CCDC102B: variants seen among roughly 807,000 people sequenced by gnomAD.
CCDC102B encodes the protein coiled-coil domain-containing protein 102B.
CCDC102B carries 75 observed loss-of-function variants against 57.4 expected under a neutral mutation model. The ratio of observed to expected loss-of-function variants is 1.31; its 90% confidence interval spans 1.08 to 1.58. The LOEUF (loss-of-function observed/expected upper bound fraction) is 1.58, where lower values mean the gene tolerates loss of function less well. CCDC102B is among the 40% of genes most tolerant of loss of function. The pLI is 0.00. For synonymous variants in CCDC102B, 206 were observed against 201.9 expected, an observed-to-expected ratio of 1.02 and a Z score of -0.17; for missense variants, 636 against 582.6, an observed-to-expected ratio of 1.09 and a Z score of -0.94.
At chr18:68,742,730 C>T (rs527450370) in intron 2 of CCDC102B, among the ~76,000 whole-genome samples, 1 of 152,278 alleles carries the variant, frequency 6.6e-6, no homozygotes, top group East Asian at 1.9e-4. Context: ...CCATTACTAA[C>T]CACTGGGTAA....
At chr18:68,921,645 G>T (rs892326534) in intron 6 of CCDC102B, among the ~76,000 whole-genome samples, 1 of 152,158 alleles carries the variant, frequency 6.6e-6, no homozygotes, top group East Asian at 1.9e-4. Flanking sequence ...AGATAGAGAA[G>T]CGAGCACAAG....
At chr18:68,928,316 C>A (rs528431704) in intron 6 of CCDC102B, among the ~76,000 whole-genome samples, 31 of 151,764 alleles carry the variant, frequency 2.0e-4, no homozygotes, top group Non-Finnish European at 4.3e-4. Context: ...TATGGGAAGG[C>A]AAAAGGCTAT....
In CCDC102B at chr18:68,759,585, T is replaced by C. The variant is rs534371127; in HGVS notation, c.-67+42991T>C. ...AATGTCTTACAATTTTGGGAGATGA[T>C]GCTAAGTATAGAATTCTATACACAT... is the stretch of plus-strand genomic sequence containing the variant. On this transcript the variant is annotated intron_variant, in intron 2 of 3. Coordinates refer to the CCDC102B transcript ENST00000578970. Among the ~76,000 whole-genome samples, 8 of 152,218 alleles carry C rather than the reference T, an allele frequency of 5.3e-5. 1 individual carries two copies. Among genetic ancestry groups the C allele is most frequent in the African/African-American group, 1.9e-4 (8 of 41,558 alleles).
At chr18:68,861,712 G>A (rs758536082) in intron 4 of CCDC102B, among the ~76,000 whole-genome samples, 40 of 152,230 alleles carry the variant, frequency 2.6e-4, no homozygotes, top group Middle Eastern at 3.4e-3. Context: ...TTTCTTACAA[G>A]TATGCACTGG....
intron 1 of CCDC102B, among the ~76,000 whole-genome samples, chr18:68,802,972 T>C (rs1019356797): frequency 1.3e-5 from 2 of 152,230 alleles, no homozygotes; most frequent in Non-Finnish European, 2.9e-5. Flanking sequence ...ATCTTTTGTA[T>C]ATACAGATAA....
chr18:68,738,752 A>G (rs2033254368), intron 2 of CCDC102B, among the ~76,000 whole-genome samples: 2 of 152,032 alleles, frequency 1.3e-5, no homozygotes, highest in Admixed American at 1.3e-4. Flanking sequence ...GTGGGCAGTA[A>G]CCTGATTTAG....
intron 4 of CCDC102B, among the ~76,000 whole-genome samples, chr18:68,858,771 A>G (rs1370996232): frequency 1.3e-5 from 2 of 152,190 alleles, no homozygotes; most frequent in Admixed American, 1.3e-4. Context: ...TAGGATCACT[A>G]TCTTTTGTAA....
At chr18:68,880,500 A>C (rs2039654304) in intron 5 of CCDC102B, among the ~76,000 whole-genome samples, 1 of 152,238 alleles carries the variant, frequency 6.6e-6, no homozygotes. Context: ...GAGCCCAGGC[A>C]GAGGAGGCGC....
intron 7 of CCDC102B, among the ~76,000 whole-genome samples, chr18:69,016,757 AT>A (rs1362845211): frequency 6.6e-6 from 1 of 152,134 alleles, no homozygotes; most frequent in Non-Finnish European, 1.5e-5. Context: ...GATGAAGGTC[AT>A]TGGATTTTTT....
At chr18:68,890,480 C>T (rs2040035430) in intron 5 of CCDC102B, among the ~76,000 whole-genome samples, 1 of 152,158 alleles carries the variant, frequency 6.6e-6, no homozygotes, top group African/African-American at 2.4e-5. Flanking sequence ...TCGGTTGGGC[C>T]TACCAAATTT....
chr18:69,014,978 AGTGTGTGTGTGT>A (rs3035604), intron 7 of CCDC102B, among the ~76,000 whole-genome samples: 1 of 139,332 alleles, frequency 7.2e-6, no homozygotes, highest in African/African-American at 2.7e-5. Context: ...AGAGAGAGAG[AGTGTGTGTGTGT>A]GTGTGTGTGT....
upstream of CCDC102B, among the ~76,000 whole-genome samples, chr18:68,796,237 G>A (rs1482770675): frequency 6.6e-6 from 1 of 152,118 alleles, no homozygotes; most frequent in Non-Finnish European, 1.5e-5. Flanking sequence ...GAGAAAAGAA[G>A]ACTGGGCAAA....
At position 69,055,145 on chromosome 18, in the gene CCDC102B, A is replaced by G. The variant is rs932026946; in HGVS notation, c.*1008A>G. On this transcript the variant is annotated 3_prime_UTR_variant, in exon 8 of 8. Coordinates refer to ENST00000360242, the MANE Select transcript of CCDC102B (RefSeq NM_024781.3). ...CATTGATTAGCCAAAAAAAAATGAA[A>G]TCTTACTAATTCATTATTGAATAAA... 5 of 981,510 alleles carry G rather than the reference A, an allele frequency of 5.1e-6. No homozygotes were observed. The African/African-American group carries it at 7.0e-5, about 14-fold the overall frequency. The allele number at this position is 981,510 out of a possible 1,614,324, so 60.8% of individuals were successfully genotyped here. A position where few individuals can be genotyped will look rare whatever the true frequency, so the allele number is the denominator to read the frequency against.
chr18:68,754,538 G>A (rs2033975495), intron 2 of CCDC102B: 1 of 152,304 alleles, frequency 6.6e-6, no homozygotes, highest in South Asian at 2.1e-4. Flanking sequence ...GAGGTGGGCA[G>A]ATTGCTTGAG....
chr18:68,888,084 C>A (rs917729370), intron 5 of CCDC102B, among the ~76,000 whole-genome samples: 20 of 151,928 alleles, frequency 1.3e-4, no homozygotes, highest in Non-Finnish European at 2.5e-4. Flanking sequence ...CAGACAGTAA[C>A]CTTAAAAGAT....
chr18:68,868,962 A>G (rs930895732), intron 4 of CCDC102B, among the ~76,000 whole-genome samples: 1 of 152,166 alleles, frequency 6.6e-6, no homozygotes, highest in Non-Finnish European at 1.5e-5. Context: ...GAAGGAAGTG[A>G]CAATGATTGA....
At chr18:68,766,350 A>G (rs568024332) in intron 2 of CCDC102B, among the ~76,000 whole-genome samples, 1 of 152,170 alleles carries the variant, frequency 6.6e-6, no homozygotes, top group African/African-American at 2.4e-5. Flanking sequence ...CATCTGACCC[A>G]GTGATATGTC....
chr18:68,874,520 C>T (rs1387166047), intron 4 of CCDC102B, 149 bp from the exon 5 acceptor site: 1 of 524,008 alleles, frequency 1.9e-6, no homozygotes, highest in African/African-American at 1.9e-5. Flanking sequence ...AGTTCAACCA[C>T]AATCATTACA....
At chr18:68,775,313 T>A (rs905960379) in intron 2 of CCDC102B, among the ~76,000 whole-genome samples, 1 of 152,144 alleles carries the variant, frequency 6.6e-6, no homozygotes, top group Non-Finnish European at 1.5e-5. Context: ...AAAGGTATAT[T>A]TAATTTTGCT....
Sources: gnomAD v4.1 joint callset for allele counts (sites outside exome capture counted in the v4.1 genomes callset) on GRCh38, gnomAD v4.1.1 for gene constraint, MANE v1.5 for transcripts, NCBI Gene and HGNC (gene_info 2026-07-23, HGNC 2026-07-21) for gene names.